Variants in ALDOB observed in about 807,000 individuals in gnomAD.
ALDOB encodes aldolase, fructose-bisphosphate B, also known as fructose-bisphosphate aldolase B.
A neutral mutation model predicts 41.0 loss-of-function variants in ALDOB; 39 were observed. That is an observed-to-expected ratio of 0.95 (90% CI 0.74 to 1.24). ALDOB has a LOEUF of 1.24. Among genes scored for constraint, ALDOB ranks in the 50% most tolerant of loss-of-function variants. The pLI is 0.00. For missense variants in ALDOB, 530 were observed against 457.3 expected (o/e 1.16, Z -1.45); for synonymous variants, 175 against 168.8 (o/e 1.04, Z -0.28).
intron 1 of ALDOB, among the ~76,000 whole-genome samples, chr9:101,433,080 G>A (rs566758181): frequency 1.2e-4 from 18 of 152,338 alleles, no homozygotes; most frequent in African/African-American, 4.1e-4. Context: ...TGTTCTGGTT[G>A]TCTCTTTGCC....
intron 1 of ALDOB, among the ~76,000 whole-genome samples, chr9:101,431,371 C>A (rs1360533011): frequency 2.0e-5 from 3 of 152,202 alleles, no homozygotes; most frequent in Non-Finnish European, 4.4e-5. Context: ...CTCCAGGAAA[C>A]AAACTTGAAA....
At chr9:101,434,216 C>T (rs974683185) in intron 1 of ALDOB, among the ~76,000 whole-genome samples, 6 of 152,154 alleles carry the variant, frequency 3.9e-5, no homozygotes, top group African/African-American at 1.4e-4. Flanking sequence ...GAGATACCTG[C>T]GTCAACCCTG....
chr9:101,422,782 A>G (rs1161487355), intron 8 of ALDOB, among the ~76,000 whole-genome samples: 5 of 152,268 alleles, frequency 3.3e-5, no homozygotes, highest in Non-Finnish European at 5.9e-5. Context: ...CCAAACCCAA[A>G]GAAATAATAA....
rs1204793557 is a variant in ALDOB at position 101,426,559 on chromosome 9, T to A, written c.620A>T (p.Glu207Val). ...HDLEHCQYVT[E>V]KVLAAVYKAL... ...GCCTTCATATTTAAAACTTACCTTC[T>A]CAGTAACATACTGGCAGTGTTCCAG... The change falls in exon 6 of 9, where the codon GAG becomes GTG. Residue 207 changes from glutamate to valine, a missense_variant. Transcript: ENST00000647789. 1 of 1,607,132 alleles carries A rather than the reference T, an allele frequency of 6.2e-7. No homozygotes were observed. The highest frequency in any genetic ancestry group is 8.5e-7 in the Non-Finnish European group (1 of 1,173,794).
At chr9:101,424,794 GC>G in intron 8 of ALDOB, 48 bp downstream of exon 8, 1 of 1,601,366 alleles carries the variant, frequency 6.2e-7, no homozygotes, top group Non-Finnish European at 8.5e-7. Context: ...GGAAAGTCAA[GC>G]CCCAAATGTG....
At chr9:101,430,959 C>CT (rs1831212239) in intron 1 of ALDOB, 62 bp from the exon 2 acceptor site, 3 of 1,155,026 alleles carry the variant, frequency 2.6e-6, no homozygotes, top group African/African-American at 3.0e-5. Context: ...GATGCATGAC[C>CT]AAGACAGTTG....
chr9:101,421,918 A>C lies in ALDOB; in HGVS notation c.1000-14T>G, dbSNP rs1251000433. 6.2e-7 allele frequency: 1 copy of C among 1,609,358 alleles called. No homozygotes were observed. Among genetic ancestry groups the C allele is most frequent in the Non-Finnish European group, 8.5e-7 (1 of 1,176,386 alleles). ...CTGGCAGTTAGCCTAGAAGACAAAT[A>C]TGAGAGAGGAGACTGGTTAGAGTAA... On this transcript the variant is annotated splice_polypyrimidine_tract_variant and intron_variant, in intron 8 of 8. Coordinates refer to ENST00000647789, the MANE Select transcript of ALDOB (RefSeq NM_000035.4).
chr9:101,425,526 C>G lies in ALDOB; in HGVS notation c.726G>C (p.Lys242Asn). The G allele has an allele frequency of 6.2e-7, 1 of 1,614,156 alleles. No individual in the cohort carries two copies. Among genetic ancestry groups the G allele is most frequent in the Non-Finnish European group, 8.5e-7 (1 of 1,180,034 alleles). Residue 242 changes from lysine (K) to asparagine (N), a missense_variant, in exon 7 of 9, where the codon AAG becomes AAC. Coordinates refer to ENST00000647789, the MANE Select transcript of ALDOB (RefSeq NM_000035.4). Reference sequence around the variant, plus strand: ...TAGCTACTTGTTCTGGAGTATACTTCTTGGTGCAGGCATGTCCAGCAGTCA... The same window carrying G: ...TAGCTACTTGTTCTGGAGTATACTTGTTGGTGCAGGCATGTCCAGCAGTCA... ...NMVTAGHACT[K>N]KYTPEQVAMA...
At chr9:101,433,939 T>A (rs1831256494) in intron 1 of ALDOB, among the ~76,000 whole-genome samples, 1 of 151,916 alleles carries the variant, frequency 6.6e-6, no homozygotes, top group African/African-American at 2.4e-5. Context: ...CAGCTATTTT[T>A]TTTTTTATTT....
intron 5 of ALDOB, 96 bp downstream of exon 5, chr9:101,427,386 A>G: frequency 6.8e-7 from 1 of 1,467,908 alleles, no homozygotes; most frequent in Admixed American, 1.8e-5. Flanking sequence ...GGTGAGGGAA[A>G]AGGAGGTCCA....
intron 8 of ALDOB, among the ~76,000 whole-genome samples, chr9:101,422,852 TA>T: frequency 6.6e-6 from 1 of 152,282 alleles, no homozygotes; most frequent in East Asian, 1.9e-4. Flanking sequence ...TATGCATATA[TA>T]AAAAATCACA....
rs540131645 is a variant in ALDOB at position 101,420,935 on chromosome 9, G to A, written c.*874C>T. The A allele has an allele frequency of 6.6e-6, 1 of 152,198 alleles. No individual in the cohort carries two copies. Among genetic ancestry groups the A allele is most frequent in the African/African-American group, 2.4e-5 (1 of 41,442 alleles). The allele number at this position is 152,198 out of a possible 1,614,324, so 9.4% of individuals were successfully genotyped here. A position where few individuals can be genotyped will look rare whatever the true frequency, so the allele number is the denominator to read the frequency against. On this transcript the variant is annotated 3_prime_UTR_variant, in exon 9 of 9. Transcript: ENST00000647789. ...GACGTGCAGATGACAAGGTAGTCCT[G>A]TTTCACCAAACCTGGGCCACTTGAA...
intron 3 of ALDOB, 101 bp downstream of exon 3, chr9:101,429,654 T>C: frequency 8.9e-7 from 1 of 1,118,354 alleles, no homozygotes; most frequent in Non-Finnish European, 1.4e-6. Context: ...AGAAGAGAAA[T>C]TTGATGAGGA....
In ALDOB at chr9:101,425,574, G is replaced by T. The variant is rs1588170503; in HGVS notation, c.678C>A (p.Gly226=). 1 of 1,614,144 alleles carries T rather than the reference G, an allele frequency of 6.2e-7. No homozygotes were observed. Among genetic ancestry groups the T allele is most frequent in the East Asian group, 2.2e-5 (1 of 44,866 alleles). The part of the protein sequence containing the change: ...ALNDHHVYLE[G]TLLKPNMVTA... ...TCACCATGTTGGGCTTTAGCAGGGT[G>T]CCCTCCAGGTAAACATGATGGTCAT... Residue 226 remains glycine, a synonymous_variant, in exon 7 of 9, where the codon GGC becomes GGA. Transcript: ENST00000647789.
At chr9:101,430,048 T>C in intron 2 of ALDOB, 82 bp from the exon 3 acceptor site, 1 of 1,209,418 alleles carries the variant, frequency 8.3e-7, no homozygotes, top group Non-Finnish European at 1.2e-6. Flanking sequence ...TCAGAGACCC[T>C]CACCACAGTG....
Position 101,425,572 on chromosome 9 carries a change from G to A in ALDOB, c.680C>T (p.Thr227Ile), listed in dbSNP as rs371219301. The change falls in exon 7 of 9, where the codon ACC (threonine) becomes ATC (isoleucine). Residue 227 changes from threonine to isoleucine, a missense_variant. Coordinates refer to ENST00000647789, the MANE Select transcript of ALDOB (RefSeq NM_000035.4). The stretch of plus-strand genomic sequence containing the variant: ...AGTCACCATGTTGGGCTTTAGCAGG[G>A]TGCCCTCCAGGTAAACATGATGGTC... Reference protein sequence around the residue: ...LNDHHVYLEGTLLKPNMVTAG... With the variant: ...LNDHHVYLEGILLKPNMVTAG... 1 of 1,614,014 alleles carries A rather than the reference G, an allele frequency of 6.2e-7. No individual in the cohort carries two copies. The highest frequency in any genetic ancestry group is 1.3e-5 in the African/African-American group (1 of 74,898).
At chr9:101,424,731 A>G in intron 8 of ALDOB, 112 bp downstream of exon 8, 5 of 1,277,342 alleles carry the variant, frequency 3.9e-6, no homozygotes, top group East Asian at 2.3e-5. Flanking sequence ...TGCCTAATAG[A>G]CACTATCGGT....
rs1017488987 is a variant in ALDOB, at chr9:101,421,136, C to T, written c.*673G>A. The T allele has an allele frequency of 2.6e-5, 4 of 152,922 alleles. No homozygotes were observed. Among genetic ancestry groups the T allele is most frequent in the Admixed American group, 1.3e-4 (2 of 15,394 alleles). The allele number at this position is 152,922 out of a possible 1,614,324, so 9.5% of individuals were successfully genotyped here. A position where few individuals can be genotyped will look rare whatever the true frequency, so the allele number is the denominator to read the frequency against. ...CAAACTTGACTGTACATTGGAATTA[C>T]TGAGGGAGCTTTAAGAAATCTAATA... is the stretch of plus-strand genomic sequence containing the variant. On this transcript the variant is annotated 3_prime_UTR_variant, in exon 9 of 9. Transcript: ENST00000647789.
In ALDOB at chr9:101,421,827, T is replaced by G; in HGVS notation, c.1077A>C (p.Thr359=). 1 of 1,614,008 alleles carries G rather than the reference T, an allele frequency of 6.2e-7. No homozygotes were observed. Among genetic ancestry groups the G allele is most frequent in the Non-Finnish European group, 8.5e-7 (1 of 1,180,000 alleles). ...TTGGACCCTAGTAGGTATAGCAGGC[T>G]GTGAAGAGCGACTGGGTGGAAGCAG... The part of the protein sequence containing the change: ...SGAASTQSLF[T]ACYTY Residue 359 remains threonine, a synonymous_variant, in exon 9 of 9, where the codon ACA becomes ACC. Coordinates refer to ENST00000647789, the MANE Select transcript of ALDOB (RefSeq NM_000035.4).
Sources: gnomAD v4.1 joint callset for allele counts (sites outside exome capture counted in the v4.1 genomes callset) on GRCh38, gnomAD v4.1.1 for gene constraint, MANE v1.5 for transcripts, NCBI Gene and HGNC (gene_info 2026-07-23, HGNC 2026-07-21) for gene names.